The following GCC2 variants were observed in gnomAD, a reference collection of about 807,000 sequenced individuals.
The protein encoded by GCC2 is GRIP and coiled-coil domain containing 2.
Under a neutral mutation model 210.6 loss-of-function variants are expected in GCC2, and 120 were observed. That is an observed-to-expected ratio of 0.57 (90% CI 0.49 to 0.66). The LOEUF (loss-of-function observed/expected upper bound fraction) is 0.66, where lower values mean the gene tolerates loss of function less well. Ranked by LOEUF, GCC2 falls within the 30% of genes least tolerant of loss-of-function variation. The pLI, the probability that GCC2 is intolerant of heterozygous loss-of-function variation, is 0.00. For missense variants in GCC2, 1,868 were observed against 1,871.9 expected, an observed-to-expected ratio of 1.00 and a Z score of 0.04; for synonymous variants, 703 against 652.7, an observed-to-expected ratio of 1.08 and a Z score of -1.17.
chr2:108,462,138 C>G (rs946317498), intron 4 of GCC2, among the ~76,000 whole-genome samples: 4 of 147,630 alleles, frequency 2.7e-5, no homozygotes, highest in Non-Finnish European at 6.0e-5. Context: ...CACCCGGCCA[C>G]TAAATAGGTT....
chr2:108,449,335 G>A, intron 1 of GCC2, 55 bp downstream of exon 1: 1 of 1,537,298 alleles, frequency 6.5e-7, no homozygotes, highest in Non-Finnish European at 8.8e-7. Context: ...CGCGATTTGG[G>A]ATGTGGGAGT....
At chr2:108,492,063 T>G (rs1317567407) in intron 18 of GCC2, among the ~76,000 whole-genome samples, 2 of 151,984 alleles carry the variant, frequency 1.3e-5, no homozygotes, top group East Asian at 1.9e-4. Context: ...AAGTCTGTGT[T>G]TGTTGTGGTT....
At chr2:108,449,572 C>T in intron 1 of GCC2, 61 bp from the exon 2 acceptor site, 5 of 1,479,974 alleles carry the variant, frequency 3.4e-6, no homozygotes, top group East Asian at 2.3e-5. Flanking sequence ...GGGTTCTACG[C>T]GTTCCGTGTG....
In GCC2 at chr2:108,509,270, C is replaced by T. The variant is rs1683367888; in HGVS notation, c.*1640C>T. 6.6e-6 allele frequency: 1 copy of T among 152,496 alleles called. No homozygotes were observed. The highest frequency in any genetic ancestry group is 1.5e-5 in the Non-Finnish European group (1 of 68,026). The allele number at this position is 152,496 out of a possible 1,614,324, so 9.4% of individuals were successfully genotyped here. A position where few individuals can be genotyped will look rare whatever the true frequency, so the allele number is the denominator to read the frequency against. ...AAATATAGTCTCTGCTTACGAATGT[C>T]ATAACAAAATAATTTTTTGCATGAT... On this transcript the variant is annotated 3_prime_UTR_variant, in exon 23 of 23. Coordinates refer to ENST00000309863, the MANE Select transcript of GCC2 (RefSeq NM_181453.4).
At chr2:108,487,235 T>A (rs1464278748) in intron 16 of GCC2, among the ~76,000 whole-genome samples, 1 of 152,234 alleles carries the variant, frequency 6.6e-6, no homozygotes. Context: ...AGAAAATGTT[T>A]ATTAAGTTCC....
chr2:108,481,652 G>A, intron 9 of GCC2, 45 bp from the exon 10 acceptor site: 1 of 1,495,198 alleles, frequency 6.7e-7, no homozygotes, highest in Non-Finnish European at 9.1e-7. Flanking sequence ...CTGACCTGTT[G>A]AATGCAAAAT....
chr2:108,493,475 C>T (rs1390324835), intron 19 of GCC2: 1 of 987,442 alleles, frequency 1.0e-6, no homozygotes, highest in East Asian at 1.1e-4. Context: ...TAAATAGAAA[C>T]ATTAGATAGA....
chr2:108,449,786 T>C, intron 2 of GCC2, 97 bp downstream of exon 2: 1 of 885,846 alleles, frequency 1.1e-6, no homozygotes, highest in Admixed American at 2.2e-5. Flanking sequence ...TGATTTTTTT[T>C]TTTTTAATAG....
chr2:108,462,817 C>T (rs1343927829), intron 4 of GCC2: 1 of 151,808 alleles, frequency 6.6e-6, no homozygotes, highest in Non-Finnish European at 1.5e-5. Flanking sequence ...CCTGCCTCGG[C>T]CTCCCAAAGT....
In GCC2 at chr2:108,471,648, C is replaced by T; in HGVS notation, c.2319C>T (p.Asp773=). 1.2e-5 allele frequency: 20 copies of T among 1,613,222 alleles called. No individual in the cohort carries two copies. The highest frequency in any genetic ancestry group is 1.7e-5 in the Non-Finnish European group (20 of 1,179,324). ...LKEMGSEVSE[D]SEEKDVVNVL... ...AAATGGGATCAGAAGTTTCAGAAGACAGTGAAGAGAAAGATGTTGTTAATG... is the reference window on the plus strand; with the variant it reads ...AAATGGGATCAGAAGTTTCAGAAGATAGTGAAGAGAAAGATGTTGTTAATG... Residue 773 remains aspartate (D), a synonymous_variant, in exon 6 of 23, where the codon GAC becomes GAT. Coordinates refer to ENST00000309863, the MANE Select transcript of GCC2 (RefSeq NM_181453.4).
At chr2:108,459,449 T>A (rs543130273) in intron 4 of GCC2, among the ~76,000 whole-genome samples, 1 of 152,344 alleles carries the variant, frequency 6.6e-6, no homozygotes, top group East Asian at 1.9e-4. Context: ...GAGAAAAATA[T>A]GTATTCTGCA....
At position 108,471,305 on chromosome 2, in the gene GCC2, A is replaced by C; in HGVS notation, c.1976A>C (p.Lys659Thr). 6.2e-7 allele frequency: 1 copy of C among 1,611,738 alleles called. No individual in the cohort carries two copies. The highest frequency in any genetic ancestry group is 8.5e-7 in the Non-Finnish European group (1 of 1,178,882). ...TGGLEETLKE[K>T]DQNDQKLEKL... ...GGACTAGAGGAGACTTTAAAAGAAA[A>C]GGATCAAAATGACCAAAAACTAGAA... Residue 659 changes from lysine (K) to threonine (T), a missense_variant, in exon 6 of 23, where the codon AAG (lysine) becomes ACG (threonine). By Grantham distance (78) the Lys-to-Thr change is moderately conservative. Around this residue, in one of 3 missense-constraint regions of GCC2, gnomAD observed 1,847 missense variants for 1,765.2 expected, o/e 1.05. Transcript: ENST00000309863.
At position 108,471,826 on chromosome 2, in the gene GCC2, T is replaced by C. The variant is rs1294514823; in HGVS notation, c.2497T>C (p.Leu833=). 6 of 1,613,324 alleles carry C rather than the reference T, an allele frequency of 3.7e-6. No individual in the cohort carries two copies. The highest frequency in any genetic ancestry group is 1.1e-5 in the South Asian group (1 of 91,042). Reference sequence around the variant, plus strand: ...TCAGTGTGAAGAACTTAAGTCTTTATTGAGAGACTATGAGCAAGAGAAAGT... The same window carrying C: ...TCAGTGTGAAGAACTTAAGTCTTTACTGAGAGACTATGAGCAAGAGAAAGT... ...VVQCEELKSL[L]RDYEQEKVLL... The change falls in exon 6 of 23, where the codon TTG becomes CTG. Residue 833 remains leucine (L), a synonymous_variant. Coordinates refer to ENST00000309863, the MANE Select transcript of GCC2 (RefSeq NM_181453.4).
intron 17 of GCC2, 63 bp downstream of exon 17, chr2:108,487,883 T>C (rs1252810121): frequency 2.8e-6 from 4 of 1,442,854 alleles, no homozygotes; most frequent in East Asian, 2.4e-5. Flanking sequence ...ACCAAGTAGA[T>C]TGAAAATCCT....
Position 108,503,165 on chromosome 2 carries a change from A to AT in GCC2, c.4984+3413dup, listed in dbSNP as rs560549617. Reference sequence around the variant, plus strand: ...AAAACCCAATAAAATCTCAAGCAGTATTAAAAAAAAAAGAAGAAATCTACT... The same window carrying AT: ...AAAACCCAATAAAATCTCAAGCAGTATTTAAAAAAAAAAGAAGAAATCTACT... On this transcript the variant is annotated intron_variant, in intron 22 of 22. Coordinates refer to ENST00000309863, the MANE Select transcript of GCC2 (RefSeq NM_181453.4). Among the ~76,000 whole-genome samples the AT allele has an allele frequency of 1.8e-3, 228 of 125,084 alleles. 1 individual carries two copies. Among genetic ancestry groups the AT allele is most frequent in the Admixed American group, 3.2e-3 (34 of 10,682 alleles). 82.1% of individuals were successfully genotyped at this position (125,084 alleles called of 152,430 possible).
Position 108,471,287 on chromosome 2 carries a change from A to G in GCC2, c.1958A>G (p.Glu653Gly), listed in dbSNP as rs367881891. 1.9e-5 allele frequency: 31 copies of G among 1,611,530 alleles called. No individual in the cohort carries two copies. In the African/African-American group the frequency reaches 3.7e-4, roughly 19 times the overall value. ...GTAAATGAATTAACAGGAGGACTAG[A>G]GGAGACTTTAAAAGAAAAGGATCAA... ...QKVNELTGGL[E>G]ETLKEKDQND... Residue 653 changes from glutamate to glycine, a missense_variant, in exon 6 of 23, where the codon GAG becomes GGG. Around this residue, in one of 3 missense-constraint regions of GCC2, gnomAD observed 1,847 missense variants for 1,765.2 expected, o/e 1.05. Coordinates refer to ENST00000309863, the MANE Select transcript of GCC2 (RefSeq NM_181453.4).
In GCC2 at chr2:108,470,735, T is replaced by C; in HGVS notation, c.1406T>C (p.Leu469Pro). Residue 469 changes from leucine (L) to proline (P), a missense_variant, in exon 6 of 23, where the codon CTA becomes CCA. Physicochemically the swap from Leu to Pro is moderately conservative, Grantham distance 98 (BLOSUM62 -3). Coordinates refer to ENST00000309863, the MANE Select transcript of GCC2 (RefSeq NM_181453.4). ...GGTCTTAAGGAACAGTGTGAAAACC[T>C]ACAGCAAGAAAAGCAAGAAGCAATT... ...IQGLKEQCEN[L>P]QQEKQEAILN... is the part of the protein sequence containing the mutation. 1 of 1,613,132 alleles carries C rather than the reference T, an allele frequency of 6.2e-7. No homozygotes were observed. The highest frequency in any genetic ancestry group is 8.5e-7 in the Non-Finnish European group (1 of 1,179,720).
chr2:108,472,545 ATCT>A (rs766720866), intron 6 of GCC2, among the ~76,000 whole-genome samples: 11 of 151,860 alleles, frequency 7.2e-5, no homozygotes, highest in East Asian at 1.9e-4. Context: ...AAATCATTTA[ATCT>A]TCTCCTTATT....
chr2:108,469,755 T>C lies in GCC2; in HGVS notation c.426T>C (p.Arg142=). The C allele has an allele frequency of 3.7e-6, 6 of 1,613,706 alleles. No individual in the cohort carries two copies. The highest frequency in any genetic ancestry group is 5.1e-6 in the Non-Finnish European group (6 of 1,179,718). Residue 142 remains arginine (R), a synonymous_variant, in exon 6 of 23, where the codon CGT becomes CGC. Transcript: ENST00000309863. ...TGAAAAATGAGTTGATGGCAGTACG[T>C]TCCAAATACAGTGAAGACAAAGCTA... ...ENLKNELMAV[R]SKYSEDKANL... is the part of the protein sequence containing the mutation.
Sources: gnomAD v4.1 joint callset for allele counts (sites outside exome capture counted in the v4.1 genomes callset) on GRCh38, gnomAD v4.1.1 for gene constraint, gnomAD v4.1.1 regional missense constraint, MANE v1.5 for transcripts, NCBI Gene and HGNC (gene_info 2026-07-23, HGNC 2026-07-21) for gene names.